Variants in SNTG1 observed in about 807,000 individuals in gnomAD.
SNTG1 encodes the protein gamma-1-syntrophin.
Under a neutral mutation model 74.7 loss-of-function variants are expected in SNTG1, and 39 were observed. That is an observed-to-expected ratio of 0.52 (90% confidence interval 0.40 to 0.68). The LOEUF (loss-of-function observed/expected upper bound fraction) is 0.68, where lower values mean the gene tolerates loss of function less well. SNTG1 is among the 30% of genes least tolerant of loss of function. The pLI, the probability that SNTG1 is intolerant of heterozygous loss-of-function variation, is 0.00. For synonymous variants in SNTG1, 254 were observed against 217.1 expected, an observed-to-expected ratio of 1.17 and a Z score of -1.49; for missense variants, 685 against 609.5, an observed-to-expected ratio of 1.12 and a Z score of -1.30.
chr8:50,790,931 G>T (rs1442235271), intron 18 of SNTG1, among the ~76,000 whole-genome samples: 1 of 151,774 alleles, frequency 6.6e-6, no homozygotes, highest in Admixed American at 6.6e-5. Context: ...TTGAGAAAAA[G>T]TTATTTGCCA....
At chr8:50,586,747 A>G (rs1324243121) in intron 12 of SNTG1, among the ~76,000 whole-genome samples, 2 of 152,110 alleles carry the variant, frequency 1.3e-5, no homozygotes, top group Non-Finnish European at 2.9e-5. Flanking sequence ...TTAGCTAGAG[A>G]GAGGAAAAAT....
At chr8:50,524,713 T>C (rs1319975293) in intron 9 of SNTG1, among the ~76,000 whole-genome samples, 1 of 152,154 alleles carries the variant, frequency 6.6e-6, no homozygotes, top group African/African-American at 2.4e-5. Context: ...TTTGGTATTA[T>C]ATGCAATCTG....
intron 2 of SNTG1, among the ~76,000 whole-genome samples, chr8:50,196,802 C>CAA (rs542608239): frequency 8.2e-4 from 82 of 99,936 alleles, no homozygotes; most frequent in African/African-American, 2.5e-3. Context: ...ACTAAAAATA[C>CAA]AAAAAAAAAA....
At chr8:50,671,587 C>A (rs944452804) in intron 15 of SNTG1, among the ~76,000 whole-genome samples, 1 of 152,076 alleles carries the variant, frequency 6.6e-6, no homozygotes, top group African/African-American at 2.4e-5. Context: ...CACTTTTACA[C>A]TGGTGATGGG....
At chr8:50,553,255 A>G in intron 12 of SNTG1, 76 bp downstream of exon 12, 1 of 1,549,358 alleles carries the variant, frequency 6.5e-7, no homozygotes, top group East Asian at 2.3e-5. Context: ...ATGTAACTTC[A>G]CATCAACTGT....
intron 1 of SNTG1, among the ~76,000 whole-genome samples, chr8:50,022,380 T>G (rs1272103858): frequency 6.6e-6 from 1 of 152,172 alleles, no homozygotes; most frequent in African/African-American, 2.4e-5. Context: ...AGAAGGCAGC[T>G]AGACTGGAGT....
chr8:50,700,713 G>A (rs1366747691), intron 15 of SNTG1, among the ~76,000 whole-genome samples: 3 of 152,048 alleles, frequency 2.0e-5, no homozygotes, highest in East Asian at 1.9e-4. Flanking sequence ...ATGATTTATC[G>A]TTCCTTATTC....
chr8:50,311,869 T>A (rs143797133), intron 2 of SNTG1, among the ~76,000 whole-genome samples: 1 of 152,206 alleles, frequency 6.6e-6, no homozygotes, highest in Non-Finnish European at 1.5e-5. Context: ...GGTAACCAAG[T>A]ACTAGTCTTT....
chr8:49,962,173 G>A (rs1047669673), intron 1 of SNTG1, among the ~76,000 whole-genome samples: 6 of 152,050 alleles, frequency 3.9e-5, no homozygotes, highest in Non-Finnish European at 8.8e-5. Context: ...ACAGGTGACT[G>A]TCTGACCATA....
chr8:50,254,948 C>CTTTT (rs4006072), intron 2 of SNTG1, among the ~76,000 whole-genome samples: 4 of 85,246 alleles, frequency 4.7e-5, no homozygotes, highest in African/African-American at 1.2e-4. Flanking sequence ...TTTATTGCCA[C>CTTTT]TTTTTTTTTT....
intron 8 of SNTG1, among the ~76,000 whole-genome samples, chr8:50,494,643 A>G (rs1472374078): frequency 2.0e-5 from 3 of 152,052 alleles, no homozygotes; most frequent in African/African-American, 7.2e-5. Context: ...CATTGAGGAA[A>G]TCATCTTGGA....
intron 1 of SNTG1, among the ~76,000 whole-genome samples, chr8:49,958,854 A>G (rs1195443822): frequency 6.6e-6 from 1 of 152,230 alleles, no homozygotes; most frequent in Non-Finnish European, 1.5e-5. Context: ...TTATTATCAG[A>G]GAAATTTCTC....
intron 2 of SNTG1, among the ~76,000 whole-genome samples, chr8:50,319,609 A>G (rs568550934): frequency 6.6e-6 from 1 of 152,290 alleles, no homozygotes; most frequent in African/African-American, 2.4e-5. Flanking sequence ...ACTACGTTGA[A>G]TAATAGCGGT....
chr8:50,009,342 G>A (rs1036405267), intron 1 of SNTG1, among the ~76,000 whole-genome samples: 1 of 152,122 alleles, frequency 6.6e-6, no homozygotes, highest in Non-Finnish European at 1.5e-5. Context: ...TGTTATATAA[G>A]TACTACTCTT....
At chr8:50,338,500 A>G (rs1239438581) in intron 2 of SNTG1, among the ~76,000 whole-genome samples, 1 of 152,228 alleles carries the variant, frequency 6.6e-6, no homozygotes, top group Non-Finnish European at 1.5e-5. Flanking sequence ...AACTAACTAT[A>G]TTATGCTAAG....
intron 1 of SNTG1, among the ~76,000 whole-genome samples, chr8:50,093,950 T>C (rs78394535): frequency 0.016 from 2,412 of 152,232 alleles, 69 homozygotes; most frequent in African/African-American, 0.055. Context: ...AATGAGGACA[T>C]TACTTGAGAT....
intron 17 of SNTG1, among the ~76,000 whole-genome samples, chr8:50,736,903 A>G (rs765230054): frequency 6.6e-6 from 1 of 152,158 alleles, no homozygotes; most frequent in Non-Finnish European, 1.5e-5. Context: ...TCTGGGAGGC[A>G]GCTAAAGCAG....
intron 12 of SNTG1, among the ~76,000 whole-genome samples, chr8:50,561,550 A>G (rs1309056724): frequency 6.6e-6 from 1 of 152,212 alleles, no homozygotes; most frequent in Non-Finnish European, 1.5e-5. Flanking sequence ...TAATAATAAA[A>G]AAGTTTAATG....
intron 17 of SNTG1, among the ~76,000 whole-genome samples, chr8:50,714,270 G>A (rs1389227306): frequency 6.6e-6 from 1 of 152,050 alleles, no homozygotes; most frequent in South Asian, 2.1e-4. Context: ...CAGGTAGCAC[G>A]ATGCCTCCAG....
Sources: gnomAD v4.1 joint callset for allele counts (sites outside exome capture counted in the v4.1 genomes callset) on GRCh38, gnomAD v4.1.1 for gene constraint, MANE v1.5 for transcripts, NCBI Gene and HGNC (gene_info 2026-07-23, HGNC 2026-07-21) for gene names.